Variants in YAF2 observed in about 807,000 individuals in gnomAD.
YAF2 encodes YY1-associated factor 2.
A neutral mutation model predicts 20.1 loss-of-function variants in YAF2; 7 were observed. The ratio of observed to expected loss-of-function variants is 0.35; its 90% CI spans 0.20 to 0.65. The LOEUF (loss-of-function observed/expected upper bound fraction) is 0.65, where lower values mean the gene tolerates loss of function less well. Ranked by LOEUF, YAF2 falls within the 30% of genes least tolerant of loss-of-function variation. YAF2 has a pLI of 0.69. For missense variants in YAF2, 151 were observed against 219.2 expected (o/e 0.69, Z 1.96); for synonymous variants, 74 against 76.0 (o/e 0.97, Z 0.14).
chr12:42,175,772 T>TAAAAAAAAAAAAAAAAAAAAAAA (rs1277338221), intron 2 of YAF2, among the ~76,000 whole-genome samples: 67 of 88,828 alleles, frequency 7.5e-4, no homozygotes, highest in Non-Finnish European at 1.3e-3. Context: ...AAAAAAAAAT[T>TAAAAAAAAAAAAAAAAAAAAAAA]AAAACAGGAA....
chr12:42,196,227 GAAAAAAAAAAA>G (rs34267272), intron 2 of YAF2, among the ~76,000 whole-genome samples: 37 of 74,514 alleles, frequency 5.0e-4, no homozygotes, highest in Non-Finnish European at 3.5e-4. Flanking sequence ...AATCCATCTG[GAAAAAAAAAAA>G]AAAAAAAAAA....
At chr12:42,227,971 T>TG (rs1217577625) in intron 2 of YAF2, among the ~76,000 whole-genome samples, 15 of 119,964 alleles carry the variant, frequency 1.3e-4, no homozygotes, top group Admixed American at 3.3e-4. Flanking sequence ...GGGAGGGAGG[T>TG]GGGGGGGTCA....
intron 2 of YAF2, among the ~76,000 whole-genome samples, chr12:42,167,914 C>T (rs962479823): frequency 2.0e-5 from 3 of 152,104 alleles, no homozygotes; most frequent in Admixed American, 6.6e-5. Flanking sequence ...GTCAAGTCAT[C>T]GTCTGGCTTT....
At chr12:42,236,090 G>C in intron 2 of YAF2, 1 of 1,430,938 alleles carries the variant, frequency 7.0e-7, no homozygotes, top group Admixed American at 2.5e-5. Context: ...ATAATATATA[G>C]TACCAGAGAT....
At chr12:42,220,771 T>G (rs145771714) in intron 2 of YAF2, among the ~76,000 whole-genome samples, 81 of 152,350 alleles carry the variant, frequency 5.3e-4, no homozygotes, top group African/African-American at 1.9e-3. Flanking sequence ...TGAAATTGTT[T>G]AATTCATATG....
At chr12:42,167,567 T>G (rs2065944930) in intron 2 of YAF2, among the ~76,000 whole-genome samples, 1 of 152,224 alleles carries the variant, frequency 6.6e-6, no homozygotes, top group African/African-American at 2.4e-5. Context: ...GAAAAATCAT[T>G]TGTGTATCTA....
At chr12:42,232,066 A>C (rs917362423) in intron 2 of YAF2, 1 of 152,198 alleles carries the variant, frequency 6.6e-6, no homozygotes, top group Non-Finnish European at 1.5e-5. Flanking sequence ...GAAGTGCTTT[A>C]TGTGTAGTTC....
chr12:42,162,947 T>C (rs1348647397), intron 2 of YAF2, among the ~76,000 whole-genome samples: 2 of 152,266 alleles, frequency 1.3e-5, no homozygotes, highest in Admixed American at 6.5e-5. Context: ...ATAAAAGTGA[T>C]ATTGAAAGTA....
At chr12:42,224,649 T>C (rs1165145715) in intron 2 of YAF2, among the ~76,000 whole-genome samples, 1 of 152,134 alleles carries the variant, frequency 6.6e-6, no homozygotes, top group Non-Finnish European at 1.5e-5. Context: ...GATCCTGTGT[T>C]AGTGTGCTGT....
intron 2 of YAF2, chr12:42,235,256 C>T: frequency 1.0e-6 from 1 of 996,996 alleles, no homozygotes; most frequent in African/African-American, 1.7e-5. Context: ...CAACCTTACT[C>T]TGGAAATTAC....
At chr12:42,174,537 T>C (rs2066132253) in intron 2 of YAF2, among the ~76,000 whole-genome samples, 3 of 152,182 alleles carry the variant, frequency 2.0e-5, no homozygotes, top group Non-Finnish European at 2.9e-5. Context: ...ACCTCTTATC[T>C]ACGCTAACCC....
At chr12:42,220,597 C>T (rs2067484126) in intron 2 of YAF2, among the ~76,000 whole-genome samples, 1 of 152,080 alleles carries the variant, frequency 6.6e-6, no homozygotes, top group Non-Finnish European at 1.5e-5. Context: ...ATCACTTTGC[C>T]TACTCCACAA....
At chr12:42,232,439 C>T in intron 2 of YAF2, 1 of 985,398 alleles carries the variant, frequency 1.0e-6, no homozygotes, top group Non-Finnish European at 1.2e-6. Flanking sequence ...TACACAAACA[C>T]TAATAATCAC....
chr12:42,229,681 G>T (rs920080955), intron 2 of YAF2, among the ~76,000 whole-genome samples: 2 of 152,152 alleles, frequency 1.3e-5, no homozygotes, highest in South Asian at 4.1e-4. Context: ...TACAAACCTA[G>T]ATGGTACAGC....
At chr12:42,208,754 A>C (rs555684227) in intron 2 of YAF2, among the ~76,000 whole-genome samples, 2 of 152,358 alleles carry the variant, frequency 1.3e-5, no homozygotes, top group Non-Finnish European at 2.9e-5. Context: ...AGAAATCAGA[A>C]TGCAGAAAAG....
chr12:42,169,205 A>G (rs1394975023), intron 2 of YAF2, among the ~76,000 whole-genome samples: 1 of 152,186 alleles, frequency 6.6e-6, no homozygotes, highest in African/African-American at 2.4e-5. Flanking sequence ...TCCTCATCTT[A>G]TTTGACTTCT....
intron 2 of YAF2, chr12:42,233,538 G>T: frequency 4.3e-6 from 4 of 933,648 alleles, no homozygotes; most frequent in Non-Finnish European, 5.1e-6. Flanking sequence ...TTGAGACAAG[G>T]TCTCACTCTG....
At chr12:42,221,028 T>C (rs1009277171) in intron 2 of YAF2, among the ~76,000 whole-genome samples, 5 of 152,178 alleles carry the variant, frequency 3.3e-5, no homozygotes, top group African/African-American at 1.2e-4. Flanking sequence ...TTGTTAACAT[T>C]TGTACTTCAA....
intron 2 of YAF2, among the ~76,000 whole-genome samples, chr12:42,183,758 C>A (rs2137060175): frequency 6.6e-6 from 1 of 152,322 alleles, no homozygotes; most frequent in Admixed American, 6.5e-5. Flanking sequence ...ATAGAGGTGG[C>A]TACACTAAAC....
Sources: allele counts gnomAD v4.1 joint callset (sites outside exome capture counted in the v4.1 genomes callset), GRCh38; gene constraint gnomAD v4.1.1; transcripts MANE v1.5; gene names NCBI Gene and HGNC (gene_info 2026-07-23, HGNC 2026-07-21).